Variants in TBC1D14 observed in about 807,000 individuals in gnomAD.
TBC1D14 encodes TBC1 domain family member 14.
Under a neutral mutation model 79.0 loss-of-function variants are expected in TBC1D14, and 26 were observed. The observed-to-expected ratio is 0.33, with a 90% confidence interval of 0.24 to 0.46. The LOEUF is 0.46. Ranked by LOEUF, TBC1D14 falls within the 20% of genes least tolerant of loss-of-function variation. TBC1D14 has a pLI of 1.00. For synonymous variants in TBC1D14, 394 were observed against 349.9 expected (o/e 1.13, Z -1.40); for missense variants, 769 against 887.6 (o/e 0.87, Z 1.70).
intron 3 of TBC1D14, among the ~76,000 whole-genome samples, chr4:6,971,277 G>A (rs1298712904): frequency 1.3e-5 from 2 of 152,210 alleles, no homozygotes; most frequent in Non-Finnish European, 2.9e-5. Context: ...GGGATAATGC[G>A]CATGTGGTGT....
chr4:7,004,952 T>G (rs781394993), intron 8 of TBC1D14, 28 bp downstream of exon 8: 6 of 1,591,570 alleles, frequency 3.8e-6, no homozygotes, highest in Non-Finnish European at 4.3e-6. Flanking sequence ...ACCAGCGGAC[T>G]GCTGTGGTCA....
intron 12 of TBC1D14, 44 bp downstream of exon 12, chr4:7,014,601 C>T (rs1221228680): frequency 1.5e-6 from 2 of 1,343,296 alleles, no homozygotes; most frequent in Non-Finnish European, 2.1e-6. Flanking sequence ...TTTCTCAGCC[C>T]TTGTCTGTTC....
At chr4:6,989,699 T>C (rs1455210937) in intron 3 of TBC1D14, among the ~76,000 whole-genome samples, 1 of 152,080 alleles carries the variant, frequency 6.6e-6, no homozygotes, top group East Asian at 1.9e-4. Flanking sequence ...ACAAATTAGT[T>C]TCCTCTTTTC....
At chr4:6,951,326 A>G (rs981965455) in intron 2 of TBC1D14, among the ~76,000 whole-genome samples, 1 of 152,056 alleles carries the variant, frequency 6.6e-6, no homozygotes, top group African/African-American at 2.4e-5. Context: ...CAACAACATA[A>G]AAAACCCTCA....
At chr4:7,020,543 G>A (rs1007927837) in intron 12 of TBC1D14, among the ~76,000 whole-genome samples, 3 of 152,128 alleles carry the variant, frequency 2.0e-5, no homozygotes, top group Admixed American at 6.6e-5. Context: ...GGGAAAATGG[G>A]GACACAGCTA....
intron 3 of TBC1D14, among the ~76,000 whole-genome samples, chr4:6,990,557 C>T (rs1360133689): frequency 3.9e-5 from 6 of 152,176 alleles, no homozygotes; most frequent in South Asian, 2.1e-4. Flanking sequence ...CACAGCAAGA[C>T]GGGCATCGAT....
At chr4:6,914,517 C>T (rs1298505039) in intron 1 of TBC1D14, among the ~76,000 whole-genome samples, 5 of 152,204 alleles carry the variant, frequency 3.3e-5, no homozygotes, top group African/African-American at 1.2e-4. Flanking sequence ...GTGAGTGCCT[C>T]GGCTACTCAG....
At chr4:6,966,047 C>T (rs944878948) in intron 2 of TBC1D14, among the ~76,000 whole-genome samples, 4 of 152,204 alleles carry the variant, frequency 2.6e-5, no homozygotes, top group African/African-American at 9.7e-5. Context: ...TTTCCTCCTC[C>T]TCCATTAATT....
intron 1 of TBC1D14, among the ~76,000 whole-genome samples, chr4:6,916,935 G>C (rs1723448390): frequency 6.6e-6 from 1 of 152,220 alleles, no homozygotes; most frequent in African/African-American, 2.4e-5. Context: ...GCTGTCACTA[G>C]GACGTTAGTG....
At chr4:6,988,508 A>C (rs535782592) in intron 3 of TBC1D14, among the ~76,000 whole-genome samples, 9 of 152,298 alleles carry the variant, frequency 5.9e-5, no homozygotes, top group African/African-American at 2.2e-4. Context: ...GCCTGTGCAG[A>C]TGTGGTGGCC....
chr4:6,953,629 C>CAAAAAAA lies in TBC1D14; in HGVS notation c.723-13659_723-13653dup, dbSNP rs750667631. On this transcript the variant is annotated intron_variant, in intron 2 of 13. Coordinates refer to ENST00000409757, the MANE Select transcript of TBC1D14 (RefSeq NM_020773.3). ...CCTGGGCGACAGCGAGACTCCGTCT[C>CAAAAAAA]AAAAAAAAAAAAAAAAAAAAAAGAA... 1.7e-3 allele frequency among the ~76,000 whole-genome samples: 91 copies of CAAAAAAA among 54,934 alleles called. 5 individuals are homozygous for CAAAAAAA. The highest frequency in any genetic ancestry group is 2.1e-3 in the Admixed American group (7 of 3,370). 36.0% of individuals were successfully genotyped at this position (54,934 alleles called of 152,430 possible).
At chr4:6,999,549 T>G (rs1303051838) in intron 6 of TBC1D14, among the ~76,000 whole-genome samples, 1 of 152,074 alleles carries the variant, frequency 6.6e-6, no homozygotes, top group Non-Finnish European at 1.5e-5. Flanking sequence ...TGGCCTGCCT[T>G]CCTCGGCAGC....
intron 2 of TBC1D14, among the ~76,000 whole-genome samples, chr4:6,932,483 A>G (rs1332085107): frequency 6.6e-6 from 1 of 152,136 alleles, no homozygotes; most frequent in African/African-American, 2.4e-5. Context: ...GGCCTGATGC[A>G]TTTGAGCACA....
At chr4:6,928,991 A>G (rs1358111056) in intron 2 of TBC1D14, among the ~76,000 whole-genome samples, 1 of 152,238 alleles carries the variant, frequency 6.6e-6, no homozygotes, top group Non-Finnish European at 1.5e-5. Flanking sequence ...GAGATGGAAC[A>G]TTGTAACTAT....
intron 2 of TBC1D14, among the ~76,000 whole-genome samples, chr4:6,937,939 T>TC (rs1317275269): frequency 1.3e-5 from 2 of 151,054 alleles, no homozygotes; most frequent in Admixed American, 6.6e-5. Flanking sequence ...TGACGTAGGC[T>TC]CCCCCCGGGG....
chr4:6,939,610 G>A (rs1448905038), intron 2 of TBC1D14, among the ~76,000 whole-genome samples: 1 of 152,046 alleles, frequency 6.6e-6, no homozygotes, highest in African/African-American at 2.4e-5. Flanking sequence ...GGGATGTAAC[G>A]GTCAACACAC....
intron 3 of TBC1D14, among the ~76,000 whole-genome samples, chr4:6,970,326 C>T (rs1009789802): frequency 6.6e-6 from 1 of 152,210 alleles, no homozygotes; most frequent in Non-Finnish European, 1.5e-5. Flanking sequence ...CCTTTCTGAG[C>T]CTCATTTTCC....
intron 2 of TBC1D14, among the ~76,000 whole-genome samples, chr4:6,966,859 G>C (rs1715739591): frequency 6.6e-6 from 1 of 152,208 alleles, no homozygotes; most frequent in Non-Finnish European, 1.5e-5. Context: ...ACCCAGGCTG[G>C]AGTGCAGTGG....
chr4:6,935,792 T>A (rs1340214056), intron 2 of TBC1D14, among the ~76,000 whole-genome samples: 1 of 151,810 alleles, frequency 6.6e-6, no homozygotes, highest in Non-Finnish European at 1.5e-5. Flanking sequence ...TACAGGCATG[T>A]GCCACCACAC....
Sources: allele counts gnomAD v4.1 joint callset (sites outside exome capture counted in the v4.1 genomes callset), GRCh38; gene constraint gnomAD v4.1.1; transcripts MANE v1.5; gene names NCBI Gene and HGNC (gene_info 2026-07-23, HGNC 2026-07-21).